The following PLEKHA6 variants were observed in gnomAD, a reference collection of about 807,000 sequenced individuals.
PLEKHA6 encodes the protein pleckstrin homology domain-containing family A member 6.
PLEKHA6 carries 60 observed loss-of-function variants against 116.7 expected under a neutral mutation model. The observed-to-expected ratio is 0.51, with a 90% CI of 0.42 to 0.64. The LOEUF (loss-of-function observed/expected upper bound fraction) is 0.64. PLEKHA6 is among the 30% of genes least tolerant of loss of function. The probability of loss-of-function intolerance (pLI) is 0.00; values close to 1 mark genes in which losing one functional copy is unlikely to be tolerated. For missense variants in PLEKHA6, 1,338 were observed against 1,422.7 expected, an observed-to-expected ratio of 0.94 and a Z score of 0.96; for synonymous variants, 489 against 556.1, an observed-to-expected ratio of 0.88 and a Z score of 1.70.
intron 1 of PLEKHA6, chr1:204,311,769 T>G (rs1671666683): frequency 1.7e-6 from 1 of 592,990 alleles, no homozygotes; most frequent in African/African-American, 2.0e-5. Context: ...AAGATTACAC[T>G]CTAAAGGGAA....
chr1:204,336,633 G>A (rs144078267), intron 1 of PLEKHA6, among the ~76,000 whole-genome samples: 1 of 152,098 alleles, frequency 6.6e-6, no homozygotes, highest in African/African-American at 2.4e-5. Context: ...TCATGCACTA[G>A]GCCAACTTGC....
chr1:204,316,475 C>T (rs1335974163), intron 1 of PLEKHA6, among the ~76,000 whole-genome samples: 1 of 152,196 alleles, frequency 6.6e-6, no homozygotes, highest in Non-Finnish European at 1.5e-5. Flanking sequence ...CCCTTGTTCC[C>T]AGTGCCTTTG....
rs773818147 is a variant in PLEKHA6, at chr1:204,223,569, T to G, written c.3048A>C (p.Pro1016=). 6.0e-6 allele frequency: 7 copies of G among 1,160,184 alleles called. No individual in the cohort carries two copies. Among genetic ancestry groups the G allele is most frequent in the Non-Finnish European group, 7.7e-6 (7 of 913,550 alleles). The allele number at this position is 1,160,184 out of a possible 1,614,324, so 71.9% of individuals were successfully genotyped here. A position where few individuals can be genotyped will look rare whatever the true frequency, so the allele number is the denominator to read the frequency against. ...GRMLSVQCAT[P]SPPTSPASPA... ...GGGAAGCAGGGGAGGTGGGAGGGCT[T>G]GGGGTGGCACATTGCACTGGAAACA... The change falls in exon 22 of 23, where the codon CCA becomes CCC. Residue 1016 remains proline (P), a synonymous_variant. Coordinates refer to ENST00000272203, the MANE Select transcript of PLEKHA6 (RefSeq NM_014935.5). The surrounding 1 kb of genome is among the most constrained non-coding windows in gnomAD (Gnocchi z 4.8).
At chr1:204,281,837 C>G (rs1668653490) in intron 1 of PLEKHA6, among the ~76,000 whole-genome samples, 1 of 152,150 alleles carries the variant, frequency 6.6e-6, no homozygotes. Context: ...GGCTGCATGT[C>G]TAGGAGACAA....
At chr1:204,282,077 C>T (rs558855508) in intron 1 of PLEKHA6, among the ~76,000 whole-genome samples, 1 of 152,256 alleles carries the variant, frequency 6.6e-6, no homozygotes, top group Admixed American at 6.5e-5. Flanking sequence ...GCTGTCCTTC[C>T]CCCATTTTCT....
intron 1 of PLEKHA6, among the ~76,000 whole-genome samples, chr1:204,288,119 T>G (rs1669383338): frequency 6.6e-6 from 1 of 152,150 alleles, no homozygotes; most frequent in African/African-American, 2.4e-5. Context: ...TCTTCTTTGC[T>G]GTTCCCTCTG....
chr1:204,298,895 C>T (rs2103072819), intron 1 of PLEKHA6, among the ~76,000 whole-genome samples: 1 of 152,336 alleles, frequency 6.6e-6, no homozygotes, highest in Middle Eastern at 3.4e-3. Flanking sequence ...GAAGGAGCTG[C>T]TTTTCCATCT....
At chr1:204,365,583 T>C (rs909461580) in intron 3 of PLEKHA6, among the ~76,000 whole-genome samples, 5 of 152,154 alleles carry the variant, frequency 3.3e-5, no homozygotes, top group Non-Finnish European at 5.9e-5. Context: ...CTGGACACAA[T>C]GAATTGAGGG....
At chr1:204,240,414 C>T (rs1662640364) in intron 17 of PLEKHA6, among the ~76,000 whole-genome samples, 1 of 152,234 alleles carries the variant, frequency 6.6e-6, no homozygotes, top group Admixed American at 6.5e-5. Flanking sequence ...TGACCAGCTG[C>T]AGAAGCAGGG....
At chr1:204,317,976 C>G (rs1215675287) in intron 1 of PLEKHA6, among the ~76,000 whole-genome samples, 3 of 152,194 alleles carry the variant, frequency 2.0e-5, no homozygotes, top group Admixed American at 6.5e-5. Context: ...GTACTTTACA[C>G]AAGTGCTATA....
At position 204,250,601 on chromosome 1, in the gene PLEKHA6, G is replaced by A. The variant is rs377321583; in HGVS notation, c.1538C>T (p.Pro513Leu). The A allele has an allele frequency of 1.2e-6, 2 of 1,612,204 alleles. No homozygotes were observed. Among genetic ancestry groups the A allele is most frequent in the Non-Finnish European group, 1.7e-6 (2 of 1,178,982 alleles). The stretch of plus-strand genomic sequence containing the variant: ...GTGGAGGCTGTCCCGGAACACTTCT[G>A]GGTATGGAGGGACCTGCAGGAACAT... ...SISSPKVPPYPEVFRDSLHTY... is the reference protein window; with the variant it reads ...SISSPKVPPYLEVFRDSLHTY... Residue 513 changes from proline (P) to leucine (L), a missense_variant, in exon 10 of 23, where the codon CCA (proline) becomes CTA (leucine). Pro to Leu is a moderately conservative substitution (Grantham distance 98). Transcript: ENST00000272203.
At chr1:204,276,254 G>T (rs1029464452) in intron 1 of PLEKHA6, among the ~76,000 whole-genome samples, 3 of 152,192 alleles carry the variant, frequency 2.0e-5, no homozygotes, top group African/African-American at 7.2e-5. Flanking sequence ...AGGCTTGCCA[G>T]CCAGGACCCA....
intron 1 of PLEKHA6, among the ~76,000 whole-genome samples, chr1:204,335,486 A>T (rs1672614606): frequency 6.6e-6 from 1 of 152,062 alleles, no homozygotes; most frequent in African/African-American, 2.4e-5. Flanking sequence ...GAAGAGTCTG[A>T]AGGGGATCCC....
At chr1:204,359,332 G>A (rs1484286856) in intron 1 of PLEKHA6, among the ~76,000 whole-genome samples, 2 of 152,274 alleles carry the variant, frequency 1.3e-5, no homozygotes, top group African/African-American at 2.4e-5. Flanking sequence ...CAAGATTAAA[G>A]GGAGGGTGGG....
Position 204,257,629 on chromosome 1 carries a change from C to A in PLEKHA6, c.1248G>T (p.Gly416=), listed in dbSNP as rs1253735378. ...LREWKEPASY[G]RQDATVWIPS... ...GGATCCAGACGGTGGCATCCTGCCG[C>A]CCGTAGCTGGCGGGCTCCTTCCACT... is the stretch of plus-strand genomic sequence containing the variant. Residue 416 remains glycine, a synonymous_variant, in exon 9 of 23, where the codon GGG becomes GGT. Transcript: ENST00000272203. The surrounding 1 kb of genome is among the most constrained non-coding windows in gnomAD (Gnocchi z 6.5). 6.2e-7 allele frequency: 1 copy of A among 1,609,626 alleles called. No homozygotes were observed. Among genetic ancestry groups the A allele is most frequent in the Non-Finnish European group, 8.5e-7 (1 of 1,178,348 alleles).
chr1:204,325,518 A>G (rs1672211086), intron 1 of PLEKHA6, among the ~76,000 whole-genome samples: 1 of 152,152 alleles, frequency 6.6e-6, no homozygotes, highest in African/African-American at 2.4e-5. Flanking sequence ...TCATGCTCAG[A>G]AATATTGAGA....
At chr1:204,251,774 G>C (rs1384295765) in intron 9 of PLEKHA6, among the ~76,000 whole-genome samples, 2 of 152,198 alleles carry the variant, frequency 1.3e-5, no homozygotes, top group Admixed American at 6.5e-5. Context: ...TCTGTTTCAG[G>C]ACCAGCACTG....
At chr1:204,377,497 C>T (rs1468989548) in intron 1 of PLEKHA6, 2 of 152,256 alleles carry the variant, frequency 1.3e-5, no homozygotes, top group African/African-American at 4.8e-5. Flanking sequence ...CCCACCTTCT[C>T]CGGCCTGCCC....
intron 1 of PLEKHA6, chr1:204,346,978 T>G: frequency 1.6e-6 from 2 of 1,240,368 alleles, no homozygotes; most frequent in Admixed American, 1.7e-5. Context: ...CTTAATGTGC[T>G]CAATACGCAC....
Sources: gnomAD v4.1 joint callset for allele counts (sites outside exome capture counted in the v4.1 genomes callset) on GRCh38, gnomAD v4.1.1 for gene constraint, Gnocchi (gnomAD v3.1) non-coding constraint, MANE v1.5 for transcripts, NCBI Gene and HGNC (gene_info 2026-07-23, HGNC 2026-07-21) for gene names.